Variants in ZBTB7C observed in about 807,000 individuals in gnomAD.
ZBTB7C encodes zinc finger and BTB domain containing 7C.
A neutral mutation model predicts 25.7 loss-of-function variants in ZBTB7C; 8 were observed. The observed-to-expected ratio is 0.31, with a 90% confidence interval of 0.18 to 0.56. The LOEUF (loss-of-function observed/expected upper bound fraction) is 0.56, where lower values mean the gene tolerates loss of function less well. Among genes scored for constraint, ZBTB7C ranks in the 20% least tolerant of loss-of-function variants. ZBTB7C has a pLI of 0.91. For missense variants in ZBTB7C, 824 were observed against 855.2 expected (o/e 0.96, Z 0.46); for synonymous variants, 394 against 369.0 (o/e 1.07, Z -0.78).
chr18:48,218,040 A>G lies in ZBTB7C; in HGVS notation c.-78-32045T>C, dbSNP rs538693168. ...TATTCAGGGAGACTGCCACACCACC[A>G]CCATGGAAAAGGTCATGGAGCCCTA... On this transcript the variant is annotated intron_variant, in intron 2 of 4. Transcript: ENST00000590800. Among the ~76,000 whole-genome samples, 3 of 152,180 alleles carry G rather than the reference A, an allele frequency of 2.0e-5. No homozygotes were observed. In the South Asian group the frequency reaches 6.2e-4, roughly 32 times the overall value.
At chr18:48,118,870 T>C (rs1235497808) in intron 3 of ZBTB7C, among the ~76,000 whole-genome samples, 3 of 151,204 alleles carry the variant, frequency 2.0e-5, no homozygotes, top group East Asian at 3.8e-4. Context: ...TCAATTGGAG[T>C]TCTTTCTTTC....
At chr18:48,298,116 TA>T (rs2045446101) in intron 2 of ZBTB7C, among the ~76,000 whole-genome samples, 1 of 151,932 alleles carries the variant, frequency 6.6e-6, no homozygotes, top group Admixed American at 6.6e-5. Context: ...CCATCGCTAC[TA>T]AAAATACAAA....
intron 2 of ZBTB7C, among the ~76,000 whole-genome samples, chr18:48,270,380 T>A (rs2044445210): frequency 6.6e-6 from 1 of 150,790 alleles, no homozygotes; most frequent in Non-Finnish European, 1.5e-5. Context: ...TAAAGGCGTG[T>A]GCCACCATGC....
chr18:48,120,107 T>C (rs774916540), intron 3 of ZBTB7C, among the ~76,000 whole-genome samples: 19 of 152,168 alleles, frequency 1.2e-4, no homozygotes, highest in Non-Finnish European at 2.4e-4. Flanking sequence ...GCCCTCTGAC[T>C]AGCAAGACCT....
intron 2 of ZBTB7C, among the ~76,000 whole-genome samples, chr18:48,254,857 T>C (rs1261903487): frequency 1.3e-5 from 2 of 152,198 alleles, no homozygotes; most frequent in African/African-American, 4.8e-5. Context: ...TGTACTGACT[T>C]GCCATGCACA....
chr18:48,182,434 C>T (rs553255640), intron 3 of ZBTB7C, among the ~76,000 whole-genome samples: 15 of 152,274 alleles, frequency 9.9e-5, no homozygotes, highest in South Asian at 6.2e-4. Flanking sequence ...GGTAAGTGTC[C>T]GGTGTGAGCC....
rs147392054 is a variant in ZBTB7C at position 48,030,882 on chromosome 18, C to T, written c.1209-971G>A. Among the ~76,000 whole-genome samples the T allele has an allele frequency of 2.8e-3, 424 of 152,328 alleles. 6 individuals carry two copies. Among genetic ancestry groups the T allele is most frequent in the African/African-American group, 8.8e-3 (366 of 41,566 alleles). ...GGGGGTTGTTTTCATAAACACTGAG[C>T]ATTGGGTAAACCAGCTTAAGGTGGC... On this transcript the variant is annotated intron_variant, in intron 4 of 4. Coordinates refer to ENST00000590800, the MANE Select transcript of ZBTB7C (RefSeq NM_001318841.2).
intron 3 of ZBTB7C, among the ~76,000 whole-genome samples, chr18:48,127,338 C>T (rs1418330231): frequency 2.6e-5 from 4 of 152,196 alleles, no homozygotes; most frequent in African/African-American, 9.6e-5. Context: ...CCTCCTCCCC[C>T]TGCTCTGACA....
intron 2 of ZBTB7C, among the ~76,000 whole-genome samples, chr18:48,266,299 C>T (rs1039338987): frequency 9.9e-5 from 15 of 152,148 alleles, no homozygotes; most frequent in South Asian, 6.2e-4. Context: ...ATCCAGGAGG[C>T]GACTGAGAAG....
chr18:48,130,460 C>T (rs573295241), intron 3 of ZBTB7C, among the ~76,000 whole-genome samples: 2 of 152,230 alleles, frequency 1.3e-5, no homozygotes, highest in African/African-American at 4.8e-5. Context: ...GGCAACAACA[C>T]GGGTGATCTG....
chr18:48,135,448 T>C (rs1372597037), intron 3 of ZBTB7C, among the ~76,000 whole-genome samples: 1 of 152,192 alleles, frequency 6.6e-6, no homozygotes, highest in African/African-American at 2.4e-5. Flanking sequence ...GGACAATGTA[T>C]TTAACCCATT....
At chr18:48,289,235 C>G (rs897316570) in intron 2 of ZBTB7C, among the ~76,000 whole-genome samples, 1 of 152,208 alleles carries the variant, frequency 6.6e-6, no homozygotes, top group Non-Finnish European at 1.5e-5. Flanking sequence ...TTTCTAAGAC[C>G]TAGCAAATTC....
chr18:48,070,112 A>AAGT (rs1488631620), intron 3 of ZBTB7C, among the ~76,000 whole-genome samples: 1 of 152,230 alleles, frequency 6.6e-6, no homozygotes, highest in East Asian at 1.9e-4. Context: ...AGGGGCACCA[A>AAGT]AGTGAGTATC....
chr18:48,053,900 G>A lies in ZBTB7C; in HGVS notation c.-16-12777C>T, dbSNP rs578068939. ...AGGAAGGGGACTCCTCCAAGGAGGT[G>A]AGGCCCCCAAGCAGCCAGGGATGTG... On this transcript the variant is annotated intron_variant, in intron 3 of 4. Coordinates refer to ENST00000590800, the MANE Select transcript of ZBTB7C (RefSeq NM_001318841.2). 2.7e-4 allele frequency among the ~76,000 whole-genome samples: 41 copies of A among 152,232 alleles called. 1 individual carries two copies. Among genetic ancestry groups the A allele is most frequent in the Admixed American group, 1.4e-3 (21 of 15,290 alleles).
At chr18:48,090,784 C>T (rs2038382991) in intron 3 of ZBTB7C, among the ~76,000 whole-genome samples, 1 of 151,362 alleles carries the variant, frequency 6.6e-6, no homozygotes, top group Non-Finnish European at 1.5e-5. Context: ...CCTGTCTTAC[C>T]AGAATCAGAC....
At chr18:48,379,931 C>T (rs1324681211) in intron 1 of ZBTB7C, among the ~76,000 whole-genome samples, 1 of 152,064 alleles carries the variant, frequency 6.6e-6, no homozygotes, top group Admixed American at 6.5e-5. Flanking sequence ...AAAACACTGC[C>T]ACACACCTGT....
chr18:48,296,046 C>T (rs560803701), intron 2 of ZBTB7C, among the ~76,000 whole-genome samples: 1 of 152,346 alleles, frequency 6.6e-6, no homozygotes, highest in East Asian at 1.9e-4. Flanking sequence ...AACAGGGGAG[C>T]TACCTCCAAG....
At chr18:48,060,945 C>A (rs2037103194) in intron 3 of ZBTB7C, among the ~76,000 whole-genome samples, 1 of 151,986 alleles carries the variant, frequency 6.6e-6, no homozygotes, top group African/African-American at 2.4e-5. Flanking sequence ...GGAGAGAAAC[C>A]CAGTCGCATC....
intron 1 of ZBTB7C, among the ~76,000 whole-genome samples, chr18:48,377,253 G>T (rs1274794216): frequency 6.6e-6 from 1 of 152,218 alleles, no homozygotes; most frequent in Non-Finnish European, 1.5e-5. Context: ...ATTGGGTCAG[G>T]TGCTGGAGAT....
Sources: allele counts gnomAD v4.1 joint callset (sites outside exome capture counted in the v4.1 genomes callset), GRCh38; gene constraint gnomAD v4.1.1; transcripts MANE v1.5; gene names NCBI Gene and HGNC (gene_info 2026-07-23, HGNC 2026-07-21).